Variants in EPC2 observed in about 807,000 individuals in gnomAD.
EPC2 encodes enhancer of polycomb homolog 2.
A neutral mutation model predicts 92.1 loss-of-function variants in EPC2; 14 were observed. That is an observed-to-expected ratio of 0.15 (90% CI 0.10 to 0.24). The LOEUF is 0.24. Ranked by LOEUF, EPC2 falls within the 10% of genes least tolerant of loss-of-function variation. The pLI, the probability that EPC2 is intolerant of heterozygous loss-of-function variation, is 1.00. For synonymous variants in EPC2, 340 were observed against 334.7 expected (o/e 1.02, Z -0.17); for missense variants, 755 against 971.5 (o/e 0.78, Z 2.96).
intron 10 of EPC2, among the ~76,000 whole-genome samples, chr2:148,772,898 A>G (rs1683554627): frequency 6.6e-6 from 1 of 152,136 alleles, no homozygotes; most frequent in African/African-American, 2.4e-5. Flanking sequence ...AAACATTCTC[A>G]AAATAATTTT....
At chr2:148,736,625 G>T (rs933296604) in intron 2 of EPC2, among the ~76,000 whole-genome samples, 1 of 152,132 alleles carries the variant, frequency 6.6e-6, no homozygotes, top group East Asian at 1.9e-4. Context: ...TTTATATTAC[G>T]ATTTCTCTAA....
rs114283467 is a variant in EPC2 at position 148,695,896 on chromosome 2, A to T, written c.313+5523A>T. Among the ~76,000 whole-genome samples the T allele has an allele frequency of 7.2e-3, 1,091 of 152,356 alleles. 6 individuals carry two copies. Among genetic ancestry groups the T allele is most frequent in the African/African-American group, 0.025 (1,025 of 41,574 alleles). ...AGCAGATTTTGTCAGATTTGTGGAG[A>T]ACACATTACAGGTGAAGCTGGATCT... On this transcript the variant is annotated intron_variant, in intron 2 of 13. Coordinates refer to ENST00000258484, the MANE Select transcript of EPC2 (RefSeq NM_015630.4).
intron 2 of EPC2, among the ~76,000 whole-genome samples, chr2:148,715,389 T>C (rs750194073): frequency 1.2e-4 from 19 of 152,196 alleles, no homozygotes; most frequent in Non-Finnish European, 2.4e-4. Flanking sequence ...TCATCTTGAA[T>C]TGATTTTTGT....
chr2:148,736,099 G>A (rs956144935), intron 2 of EPC2, among the ~76,000 whole-genome samples: 2 of 152,130 alleles, frequency 1.3e-5, no homozygotes, highest in South Asian at 2.1e-4. Flanking sequence ...ATGAATTAGT[G>A]CATCAAGGTA....
intron 3 of EPC2, among the ~76,000 whole-genome samples, chr2:148,746,326 T>C (rs374672927): frequency 6.6e-5 from 10 of 152,112 alleles, no homozygotes; most frequent in East Asian, 3.9e-4. Context: ...TTTTGGGAAC[T>C]GAACTTACTG....
At position 148,690,219 on chromosome 2, in the gene EPC2, T is replaced by A; in HGVS notation, c.159T>A (p.His53Gln). 6.3e-7 allele frequency: 1 copy of A among 1,592,656 alleles called. No homozygotes were observed. Among genetic ancestry groups the A allele is most frequent in the Non-Finnish European group, 8.5e-7 (1 of 1,173,406 alleles). ...TGMEKEEESE[H>Q]HLQRAISAQQ... ...GCCTACTTTACATTTTCCAGGAACA[T>A]CATTTACAGCGAGCAATTTCAGCAC... Residue 53 changes from histidine to glutamine, a missense_variant, in exon 2 of 14, where the codon CAT becomes CAA. Physicochemically the swap from His to Gln is conservative, Grantham distance 24. This residue lies in a region of EPC2 where 36 missense variants were observed against 84.0 expected (regional missense o/e 0.43). Transcript: ENST00000258484.
intron 2 of EPC2, among the ~76,000 whole-genome samples, chr2:148,706,940 C>T (rs1039069963): frequency 6.6e-6 from 1 of 152,168 alleles, no homozygotes; most frequent in Non-Finnish European, 1.5e-5. Context: ...ACTGCATCAA[C>T]TAATGGGCAA....
rs140661783 is a variant in EPC2, at chr2:148,680,499, T to G, written c.154-9715T>G. Among the ~76,000 whole-genome samples, 287 of 152,370 alleles carry G rather than the reference T, an allele frequency of 1.9e-3. 1 individual carries two copies. The highest frequency in any genetic ancestry group is 5.2e-3 in the Admixed American group (79 of 15,308). ...GCATATTCAGCCATCTAGTTTCGTT[T>G]ACTCTAGTGCACTTCTATATCTTGA... On this transcript the variant is annotated intron_variant, in intron 1 of 13. Coordinates refer to ENST00000258484, the MANE Select transcript of EPC2 (RefSeq NM_015630.4).
chr2:148,684,770 T>C (rs1681480163), intron 1 of EPC2, among the ~76,000 whole-genome samples: 3 of 152,160 alleles, frequency 2.0e-5, no homozygotes, highest in African/African-American at 7.2e-5. Flanking sequence ...AAGACAGGAG[T>C]TGCTAGTTCA....
chr2:148,656,295 A>T (rs1259550766), intron 1 of EPC2, among the ~76,000 whole-genome samples: 1 of 152,156 alleles, frequency 6.6e-6, no homozygotes, highest in Non-Finnish European at 1.5e-5. Context: ...CCTAAGTGGC[A>T]GTTTGGTTGT....
At chr2:148,682,839 CCT>C in intron 1 of EPC2, among the ~76,000 whole-genome samples, 1 of 152,134 alleles carries the variant, frequency 6.6e-6, no homozygotes, top group East Asian at 1.9e-4. Context: ...TTGCAAGACT[CCT>C]CTCTGGTTTC....
rs959621415 is a variant in EPC2 at position 148,718,431 on chromosome 2, G to C, written c.314-25191G>C. Reference sequence around the variant, plus strand: ...TCAGGAGCTCTTGCAAGGCAGGCCTGATGGTGATGAATTCCCTCAGCATTT... The same window carrying C: ...TCAGGAGCTCTTGCAAGGCAGGCCTCATGGTGATGAATTCCCTCAGCATTT... On this transcript the variant is annotated intron_variant, in intron 2 of 13. Transcript: ENST00000258484. Among the ~76,000 whole-genome samples the C allele has an allele frequency of 3.9e-5, 6 of 152,300 alleles. No individual in the cohort carries two copies. The East Asian group carries it at 1.2e-3, about 29-fold the overall frequency.
intron 13 of EPC2, 65 bp from the exon 14 acceptor site, chr2:148,786,240 T>C (rs1306628945): frequency 5.5e-6 from 7 of 1,276,674 alleles, no homozygotes; most frequent in Admixed American, 4.1e-5. Context: ...TGTAAAATAC[T>C]AAATGGTAAC....
chr2:148,662,855 A>G (rs1680968179), intron 1 of EPC2, among the ~76,000 whole-genome samples: 1 of 152,060 alleles, frequency 6.6e-6, no homozygotes, highest in Non-Finnish European at 1.5e-5. Context: ...TAGTTTTATT[A>G]TTTGCTTTCC....
At chr2:148,731,232 A>G (rs1453666144) in intron 2 of EPC2, among the ~76,000 whole-genome samples, 1 of 152,176 alleles carries the variant, frequency 6.6e-6, no homozygotes, top group African/African-American at 2.4e-5. Flanking sequence ...GGAAATACAG[A>G]GTTGCAAGAG....
intron 2 of EPC2, among the ~76,000 whole-genome samples, chr2:148,718,795 G>T (rs1329650187): frequency 1.3e-5 from 2 of 152,172 alleles, no homozygotes; most frequent in African/African-American, 4.8e-5. Context: ...GTCTTGGTAA[G>T]TTGGGGAAGT....
chr2:148,687,916 A>T (rs1681562406), intron 1 of EPC2, among the ~76,000 whole-genome samples: 1 of 152,150 alleles, frequency 6.6e-6, no homozygotes, highest in Admixed American at 6.5e-5. Context: ...CCTTCCTTTT[A>T]AAGTACTAGT....
intron 10 of EPC2, among the ~76,000 whole-genome samples, chr2:148,776,020 A>G (rs903413096): frequency 3.3e-5 from 5 of 151,910 alleles, no homozygotes; most frequent in African/African-American, 1.2e-4. Context: ...TGACCTCGTG[A>G]TCCGCCCGCC....
intron 2 of EPC2, among the ~76,000 whole-genome samples, chr2:148,728,427 T>C (rs1330912343): frequency 2.0e-5 from 3 of 152,126 alleles, no homozygotes; most frequent in Non-Finnish European, 4.4e-5. Context: ...GGTGTGCTCG[T>C]TTATTATCCA....
Sources: gnomAD v4.1 joint callset for allele counts (sites outside exome capture counted in the v4.1 genomes callset) on GRCh38, gnomAD v4.1.1 for gene constraint, gnomAD v4.1.1 regional missense constraint, MANE v1.5 for transcripts, NCBI Gene and HGNC (gene_info 2026-07-23, HGNC 2026-07-21) for gene names.